GNAQ: variants seen among roughly 807,000 people sequenced by gnomAD.
GNAQ encodes the protein guanine nucleotide-binding protein G(q) subunit alpha.
GNAQ carries 8 observed loss-of-function variants against 43.9 expected under a neutral mutation model. The ratio of observed to expected loss-of-function variants is 0.18; its 90% CI spans 0.11 to 0.33. The LOEUF (loss-of-function observed/expected upper bound fraction) is 0.33. Ranked by LOEUF, GNAQ falls within the 10% of genes least tolerant of loss-of-function variation. The pLI is 1.00. For missense variants in GNAQ, 158 were observed against 450.8 expected (o/e 0.35, Z 5.88); for synonymous variants, 155 against 170.7 (o/e 0.91, Z 0.71).
rs191400410 is a variant in GNAQ, at chr9:77,899,221, C to T, written c.321+22940G>A. On this transcript the variant is annotated intron_variant, in intron 2 of 6. Transcript: ENST00000286548. ...AAGCTATTCTCCTGCCTCAGCCTCC[C>T]GAGTAGCTAGGATTACAGGCATGCA... Among the ~76,000 whole-genome samples the T allele has an allele frequency of 1.6e-4, 25 of 152,140 alleles. No homozygotes were observed. In the East Asian group the frequency reaches 4.3e-3, roughly 26 times the overall value.
chr9:77,890,583 C>T (rs559540121), intron 2 of GNAQ, among the ~76,000 whole-genome samples: 9 of 152,090 alleles, frequency 5.9e-5, no homozygotes, highest in African/African-American at 1.7e-4. Flanking sequence ...ATTAGCCGGG[C>T]GTGGTGGCGC....
intron 1 of GNAQ, among the ~76,000 whole-genome samples, chr9:78,022,746 T>C (rs938361811): frequency 1.3e-5 from 2 of 152,128 alleles, no homozygotes; most frequent in African/African-American, 2.4e-5. Flanking sequence ...AAGAGGAAAA[T>C]TGCATTTGCC....
At chr9:77,915,116 G>C (rs936209641) in intron 2 of GNAQ, among the ~76,000 whole-genome samples, 1 of 152,202 alleles carries the variant, frequency 6.6e-6, no homozygotes, top group Non-Finnish European at 1.5e-5. Flanking sequence ...AAGAATTTTA[G>C]AGGTTGTCTA....
At chr9:77,863,700 A>T (rs1004312766) in intron 2 of GNAQ, among the ~76,000 whole-genome samples, 2 of 152,176 alleles carry the variant, frequency 1.3e-5, no homozygotes, top group Admixed American at 6.5e-5. Flanking sequence ...AAAGAGGTTT[A>T]ATGGACTTAC....
intron 4 of GNAQ, among the ~76,000 whole-genome samples, chr9:77,796,889 C>G (rs1217537392): frequency 6.6e-6 from 1 of 152,178 alleles, no homozygotes; most frequent in Admixed American, 6.5e-5. Flanking sequence ...ATTGTCCTTA[C>G]AGTTAAAATG....
chr9:77,904,850 C>G (rs1197713942), intron 2 of GNAQ, among the ~76,000 whole-genome samples: 2 of 151,816 alleles, frequency 1.3e-5, no homozygotes, highest in African/African-American at 4.9e-5. Flanking sequence ...CAGCTAGATT[C>G]TATATGGGAT....
intron 2 of GNAQ, among the ~76,000 whole-genome samples, chr9:77,821,936 CATTA>C (rs1024921069): frequency 6.6e-6 from 1 of 151,968 alleles, no homozygotes; most frequent in African/African-American, 2.4e-5. Context: ...ATCTGAGGAA[CATTA>C]ATTAATGGAA....
chr9:77,841,088 A>ACAAAC (rs202191008), intron 2 of GNAQ, among the ~76,000 whole-genome samples: 3 of 152,166 alleles, frequency 2.0e-5, no homozygotes, highest in African/African-American at 7.2e-5. Flanking sequence ...TCATGTTAAA[A>ACAAAC]AAACAAACAA....
chr9:77,991,145 A>C (rs560789476), intron 1 of GNAQ, among the ~76,000 whole-genome samples: 1 of 152,366 alleles, frequency 6.6e-6, no homozygotes, highest in Admixed American at 6.5e-5. Flanking sequence ...CATATTTGCC[A>C]TTTACAATTG....
At chr9:77,732,847 G>A (rs987787375) in intron 5 of GNAQ, among the ~76,000 whole-genome samples, 1 of 152,178 alleles carries the variant, frequency 6.6e-6, no homozygotes, top group Non-Finnish European at 1.5e-5. Context: ...TGAGAGAGCT[G>A]GATCAGGGAG....
chr9:77,938,551 GA>G (rs1829266886), intron 1 of GNAQ, among the ~76,000 whole-genome samples: 1 of 152,220 alleles, frequency 6.6e-6, no homozygotes, highest in African/African-American at 2.4e-5. Flanking sequence ...ATTGTGTGGT[GA>G]AAATGGGCAA....
intron 2 of GNAQ, among the ~76,000 whole-genome samples, chr9:77,841,806 T>C (rs1827495258): frequency 6.6e-6 from 1 of 152,166 alleles, no homozygotes; most frequent in African/African-American, 2.4e-5. Flanking sequence ...CAAGTTTTAT[T>C]CTTAAAAACA....
chr9:77,969,804 G>A (rs529570135), intron 1 of GNAQ, among the ~76,000 whole-genome samples: 1 of 152,150 alleles, frequency 6.6e-6, no homozygotes, highest in Non-Finnish European at 1.5e-5. Flanking sequence ...CCTACTAAAT[G>A]TAAGGCAAAA....
At chr9:77,845,638 T>C (rs1012920159) in intron 2 of GNAQ, among the ~76,000 whole-genome samples, 3 of 152,190 alleles carry the variant, frequency 2.0e-5, no homozygotes, top group Non-Finnish European at 4.4e-5. Flanking sequence ...CCTCAGCATC[T>C]CACAACCATC....
rs1030821368 is a variant in GNAQ, at chr9:78,018,999, GC to G, written c.136+12100del. Among the ~76,000 whole-genome samples the G allele has an allele frequency of 3.9e-5, 6 of 152,220 alleles. No homozygotes were observed. In the East Asian group the frequency reaches 1.2e-3, roughly 29 times the overall value. ...AGAATCTGTTCTCATAACAAGCATG[GC>G]CTAGAGTAGAAAGCCCTACAAAAAA... is the stretch of plus-strand genomic sequence containing the variant. On this transcript the variant is annotated intron_variant, in intron 1 of 6. Coordinates refer to ENST00000286548, the MANE Select transcript of GNAQ (RefSeq NM_002072.5).
chr9:77,787,945 G>A (rs925963055), intron 5 of GNAQ, among the ~76,000 whole-genome samples: 2 of 152,120 alleles, frequency 1.3e-5, no homozygotes, highest in Admixed American at 6.6e-5. Flanking sequence ...CAGGAGAGTC[G>A]CTCGAACCCG....
intron 2 of GNAQ, among the ~76,000 whole-genome samples, chr9:77,848,729 C>A (rs74696274): frequency 6.6e-6 from 1 of 152,208 alleles, no homozygotes. Flanking sequence ...TCAGAGCCAA[C>A]GTCCGCATCA....
At chr9:77,991,685 G>A (rs549519185) in intron 1 of GNAQ, among the ~76,000 whole-genome samples, 19 of 152,028 alleles carry the variant, frequency 1.2e-4, no homozygotes, top group Admixed American at 6.6e-4. Flanking sequence ...AGTGTACACC[G>A]TACCCAATAT....
chr9:77,798,941 G>T (rs756292301), intron 3 of GNAQ, among the ~76,000 whole-genome samples: 28 of 152,138 alleles, frequency 1.8e-4, no homozygotes, highest in Non-Finnish European at 1.8e-4. Flanking sequence ...CCACAATCAG[G>T]ACACAGAATT....
Sources: allele counts gnomAD v4.1 joint callset (sites outside exome capture counted in the v4.1 genomes callset), GRCh38; gene constraint gnomAD v4.1.1; transcripts MANE v1.5; gene names NCBI Gene and HGNC (gene_info 2026-07-23, HGNC 2026-07-21).